THADA: variants seen among roughly 807,000 people sequenced by gnomAD.
The protein encoded by THADA is THADA armadillo repeat containing, also known as tRNA (32-2'-O)-methyltransferase regulator THADA.
In THADA, 213 loss-of-function variants were observed where a neutral mutation model predicts 219.8. The observed-to-expected ratio is 0.97, with a 90% confidence interval of 0.87 to 1.09. The LOEUF (loss-of-function observed/expected upper bound fraction) is 1.09. Ranked by LOEUF, THADA falls within the 50% of genes least tolerant of loss-of-function variation. The pLI is 0.00. For synonymous variants in THADA, 1,018 were observed against 828.9 expected (o/e 1.23, Z -3.92); for missense variants, 2,956 against 2,311.3 (o/e 1.28, Z -5.72).
intron 29 of THADA, among the ~76,000 whole-genome samples, chr2:43,360,784 AGTT>A (rs750192395): frequency 2.0e-5 from 3 of 152,196 alleles, no homozygotes; most frequent in Non-Finnish European, 4.4e-5. Flanking sequence ...TTCAAAGAGA[AGTT>A]GTTATGGATT....
At chr2:43,556,801 A>T (rs989514694) in intron 16 of THADA, among the ~76,000 whole-genome samples, 1 of 152,112 alleles carries the variant, frequency 6.6e-6, no homozygotes, top group African/African-American at 2.4e-5. Context: ...GCAGTGGCTC[A>T]TATCTGTAAC....
intron 12 of THADA, among the ~76,000 whole-genome samples, 170 bp downstream of exon 12, chr2:43,572,644 G>T (rs1699423081): frequency 6.6e-6 from 1 of 152,126 alleles, no homozygotes. Context: ...ACTTTCAGTA[G>T]CTTGAAGAAA....
intron 4 of THADA, among the ~76,000 whole-genome samples, chr2:43,590,440 G>A (rs1701430143): frequency 1.3e-5 from 2 of 152,162 alleles, no homozygotes; most frequent in Admixed American, 6.5e-5. Context: ...CACTTTGGGA[G>A]GCTGAGAAGG....
intron 28 of THADA, among the ~76,000 whole-genome samples, chr2:43,427,859 G>C (rs1372907882): frequency 6.7e-6 from 1 of 149,742 alleles, no homozygotes; most frequent in African/African-American, 2.4e-5. Context: ...CGGAGGCTGA[G>C]GCAGAAGAAT....
intron 24 of THADA, among the ~76,000 whole-genome samples, chr2:43,504,801 T>A (rs1412305348): frequency 1.3e-5 from 2 of 152,136 alleles, no homozygotes; most frequent in Non-Finnish European, 2.9e-5. Flanking sequence ...TGGGAATCGC[T>A]TGAACCCAGG....
intron 22 of THADA, among the ~76,000 whole-genome samples, chr2:43,524,815 T>G (rs892091384): frequency 6.6e-6 from 1 of 152,206 alleles, no homozygotes; most frequent in African/African-American, 2.4e-5. Flanking sequence ...TAGGAGGGGC[T>G]AAGATACCAG....
At chr2:43,239,229 C>A (rs1668370787) in intron 36 of THADA, among the ~76,000 whole-genome samples, 1 of 152,310 alleles carries the variant, frequency 6.6e-6, no homozygotes, top group African/African-American at 2.4e-5. Flanking sequence ...TGCAGTATAG[C>A]CTTCATCTTG....
chr2:43,538,499 G>C (rs185379231), intron 21 of THADA: 2 of 152,148 alleles, frequency 1.3e-5, no homozygotes, highest in East Asian at 1.9e-4. Context: ...GTGCTCTAGG[G>C]AATCAATCAT....
At chr2:43,584,886 G>A (rs954779602) in intron 7 of THADA, among the ~76,000 whole-genome samples, 2 of 152,176 alleles carry the variant, frequency 1.3e-5, no homozygotes, top group African/African-American at 4.8e-5. Flanking sequence ...CAGGTGTTTG[G>A]AAAGGAAGAT....
intron 26 of THADA, among the ~76,000 whole-genome samples, chr2:43,474,342 G>A (rs1685260528): frequency 6.6e-6 from 1 of 152,178 alleles, no homozygotes; most frequent in African/African-American, 2.4e-5. Flanking sequence ...GTGAGGAAAT[G>A]GGAGGAGTGG....
intron 30 of THADA, among the ~76,000 whole-genome samples, chr2:43,332,691 C>T (rs1665930766): frequency 6.6e-6 from 1 of 152,184 alleles, no homozygotes; most frequent in Non-Finnish European, 1.5e-5. Flanking sequence ...TTAAAGCCTG[C>T]ACTCCCTTGC....
chr2:43,516,652 T>C (rs552709163), intron 22 of THADA, among the ~76,000 whole-genome samples: 1 of 152,268 alleles, frequency 6.6e-6, no homozygotes, highest in South Asian at 2.1e-4. Context: ...CAAGGTTACA[T>C]AGCAAGTACG....
chr2:43,479,557 C>T (rs1276446726), intron 26 of THADA, among the ~76,000 whole-genome samples: 1 of 151,822 alleles, frequency 6.6e-6, no homozygotes, highest in Non-Finnish European at 1.5e-5. Context: ...CCTCAAAATC[C>T]TCTATCAATA....
Position 43,586,451 on chromosome 2 carries a change from T to A in THADA, c.485-2A>T. 6.4e-7 allele frequency: 1 copy of A among 1,570,270 alleles called. No homozygotes were observed. On this transcript the variant is annotated splice_acceptor_variant, in intron 6 of 37. Transcript: ENST00000405975. LOFTEE classifies it high-confidence loss of function. ...AACTCTTCTGCAGAAAATGAAGCACTGAAACAAAAAGAATATGACAAATAA... is the reference window on the plus strand; with the variant it reads ...AACTCTTCTGCAGAAAATGAAGCACAGAAACAAAAAGAATATGACAAATAA...
At chr2:43,537,309 A>G (rs927697596) in intron 21 of THADA, among the ~76,000 whole-genome samples, 1 of 152,202 alleles carries the variant, frequency 6.6e-6, no homozygotes, top group Admixed American at 6.5e-5. Flanking sequence ...TCTGTCTGGT[A>G]TCCTCTATTG....
intron 17 of THADA, 111 bp from the exon 18 acceptor site, chr2:43,552,450 T>C (rs1243326703): frequency 2.6e-6 from 3 of 1,145,120 alleles, no homozygotes; most frequent in Non-Finnish European, 2.4e-6. Context: ...AACTTTACAC[T>C]AGAGTTTTTT....
At position 43,574,404 on chromosome 2, in the gene THADA, A is replaced by C; in HGVS notation, c.1661T>G (p.Leu554Ter). 1 of 1,610,108 alleles carries C rather than the reference A, an allele frequency of 6.2e-7. No homozygotes were observed. Among genetic ancestry groups the C allele is most frequent in the Non-Finnish European group, 8.5e-7 (1 of 1,177,898 alleles). ...CTGTAAGCTTTCAGGGCTGTAACTT[A>C]ATAATTTTGGCAAGTAATAATCAAT... ...YVIDYYLPKL[L>*]SYSPESLQYM... The change falls in exon 11 of 38, where the codon TTA becomes TGA. Residue 554 changes from leucine to a stop codon, truncating the protein, a stop_gained. Coordinates refer to ENST00000405975, the MANE Select transcript of THADA (RefSeq NM_022065.5). LOFTEE classifies it high-confidence loss of function.
intron 26 of THADA, among the ~76,000 whole-genome samples, chr2:43,460,457 T>C (rs1683501167): frequency 6.6e-6 from 1 of 152,016 alleles, no homozygotes. Flanking sequence ...ACTACCAAGT[T>C]GAAAAGCCAA....
At chr2:43,381,299 T>G (rs548509581) in intron 29 of THADA, among the ~76,000 whole-genome samples, 2 of 151,952 alleles carry the variant, frequency 1.3e-5, no homozygotes, top group Non-Finnish European at 2.9e-5. Context: ...CCATACTGAT[T>G]GAAATAAATG....
Sources: allele counts gnomAD v4.1 joint callset (sites outside exome capture counted in the v4.1 genomes callset), GRCh38; gene constraint gnomAD v4.1.1; transcripts MANE v1.5; gene names NCBI Gene and HGNC (gene_info 2026-07-23, HGNC 2026-07-21).